RBL2: variants seen among roughly 807,000 people sequenced by gnomAD.
RBL2 encodes retinoblastoma-like protein 2.
RBL2 carries 56 observed loss-of-function variants against 126.0 expected under a neutral mutation model. The ratio of observed to expected loss-of-function variants is 0.44; its 90% CI spans 0.36 to 0.56. RBL2 has a LOEUF of 0.56. Among genes scored for constraint, RBL2 ranks in the 20% least tolerant of loss-of-function variants. RBL2 has a pLI of 0.00. For synonymous variants in RBL2, 454 were observed against 478.5 expected (o/e 0.95, Z 0.67); for missense variants, 1,229 against 1,398.2 (o/e 0.88, Z 1.93).
At chr16:53,449,883 G>A (rs1046007264) in intron 4 of RBL2, among the ~76,000 whole-genome samples, 6 of 151,064 alleles carry the variant, frequency 4.0e-5, no homozygotes, top group Admixed American at 6.6e-5. Context: ...TGTTGAGAGA[G>A]TCCTAGAATT....
intron 21 of RBL2, among the ~76,000 whole-genome samples, chr16:53,483,868 A>G (rs2150828810): frequency 6.6e-6 from 1 of 151,332 alleles, no homozygotes; most frequent in East Asian, 1.9e-4. Flanking sequence ...CAAGAGCAAG[A>G]CTCCGTCTCC....
At chr16:53,439,936 A>G (rs2057997674) in intron 2 of RBL2, among the ~76,000 whole-genome samples, 3 of 142,126 alleles carry the variant, frequency 2.1e-5, no homozygotes, top group Admixed American at 7.2e-5. Context: ...CCTGGGCCAC[A>G]GAGCAAGACC....
intron 9 of RBL2, among the ~76,000 whole-genome samples, chr16:53,461,250 T>A (rs1222308284): frequency 2.6e-5 from 4 of 152,174 alleles, no homozygotes; most frequent in Non-Finnish European, 1.5e-5. Flanking sequence ...CCTAACACTT[T>A]GGGAGCCTGA....
intron 19 of RBL2, 108 bp downstream of exon 19, chr16:53,480,099 TG>T (rs1960885524): frequency 1.3e-6 from 1 of 750,734 alleles, no homozygotes; most frequent in African/African-American, 1.8e-5. Flanking sequence ...ATAGAAACTA[TG>T]AAAGTGTTTT....
intron 8 of RBL2, among the ~76,000 whole-genome samples, chr16:53,456,385 T>C (rs2058167910): frequency 6.6e-6 from 1 of 152,026 alleles, no homozygotes; most frequent in Non-Finnish European, 1.5e-5. Flanking sequence ...AGGGTGGAAG[T>C]AGGGAGTTAA....
intron 2 of RBL2, 95 bp downstream of exon 2, chr16:53,439,241 G>C: frequency 1.7e-6 from 2 of 1,197,406 alleles, no homozygotes; most frequent in Non-Finnish European, 2.2e-6. Flanking sequence ...CATTTTCTGA[G>C]CATTTGTACC....
intron 5 of RBL2, 36 bp downstream of exon 5, chr16:53,451,867 C>G: frequency 6.2e-7 from 1 of 1,606,858 alleles, no homozygotes; most frequent in Non-Finnish European, 8.5e-7. Flanking sequence ...GGGCAATCTG[C>G]GTTTCTGTGT....
Position 53,459,440 on chromosome 16 carries a change from T to C in RBL2, c.1180-11T>C, listed in dbSNP as rs1390024258. ...TGTTTATTAATTCTGTGTAATTTTT[T>C]TTTTCTTTAGTCCAAAGCACTTAGA... On this transcript the variant is annotated splice_polypyrimidine_tract_variant and intron_variant, in intron 8 of 21. Transcript: ENST00000262133. 6.2e-7 allele frequency: 1 copy of C among 1,603,290 alleles called. No homozygotes were observed. Among genetic ancestry groups the C allele is most frequent in the Admixed American group, 1.7e-5 (1 of 58,724 alleles).
chr16:53,489,801 A>G (rs1961337266), intron 21 of RBL2: 1 of 188,074 alleles, frequency 5.3e-6, no homozygotes, highest in South Asian at 1.9e-4. Flanking sequence ...AGTGACTATC[A>G]GATAGCAATG....
intron 21 of RBL2, among the ~76,000 whole-genome samples, chr16:53,486,286 G>A (rs563425589): frequency 5.9e-5 from 9 of 152,286 alleles, no homozygotes; most frequent in Middle Eastern, 3.4e-3. Flanking sequence ...GGGCAACAGA[G>A]TGAGACCCTG....
At chr16:53,461,089 T>G (rs964817585) in intron 9 of RBL2, among the ~76,000 whole-genome samples, 1 of 152,150 alleles carries the variant, frequency 6.6e-6, no homozygotes, top group African/African-American at 2.4e-5. Context: ...AGGGAAATAG[T>G]TAAGGGCAAG....
At position 53,481,794 on chromosome 16, in the gene RBL2, C is replaced by T; in HGVS notation, c.3208C>T (p.Arg1070Ter). 1 of 1,593,084 alleles carries T rather than the reference C, an allele frequency of 6.3e-7. No homozygotes were observed. The highest frequency in any genetic ancestry group is 8.6e-7 in the Non-Finnish European group (1 of 1,160,960). ...PHKNETMLSPREKIFYYFSNS... is the reference protein window; with the variant it reads ...PHKNETMLSP ...TAAAAATGAAACAATGCTTTCTCCTCGAGAAAAGATTTTCTATTACTTCAG... is the reference window on the plus strand; with the variant it reads ...TAAAAATGAAACAATGCTTTCTCCTTGAGAAAAGATTTTCTATTACTTCAG... The change falls in exon 21 of 22, where the codon CGA becomes TGA. Residue 1070 changes from arginine to a stop codon, truncating the protein, a stop_gained. Transcript: ENST00000262133. LOFTEE classifies it high-confidence loss of function.
chr16:53,451,128 G>C (rs971514908), intron 4 of RBL2, among the ~76,000 whole-genome samples: 1 of 152,078 alleles, frequency 6.6e-6, no homozygotes, highest in African/African-American at 2.4e-5. Context: ...GTTTTATTCA[G>C]CTACTAGGTA....
chr16:53,462,290 G>GA (rs556944734), intron 10 of RBL2, among the ~76,000 whole-genome samples: 119 of 150,918 alleles, frequency 7.9e-4, no homozygotes, highest in Middle Eastern at 3.4e-3. Flanking sequence ...AAACATAGAG[G>GA]AAAAAAAAGG....
At chr16:53,474,293 T>C (rs964829911) in intron 17 of RBL2, among the ~76,000 whole-genome samples, 27 of 140,794 alleles carry the variant, frequency 1.9e-4, no homozygotes, top group Non-Finnish European at 2.0e-4. Flanking sequence ...ACCCGGCTGC[T>C]GTAATTCTTT....
intron 17 of RBL2, among the ~76,000 whole-genome samples, chr16:53,476,692 A>G (rs1960737816): frequency 6.6e-6 from 1 of 152,184 alleles, no homozygotes; most frequent in African/African-American, 2.4e-5. Flanking sequence ...TATAACTGTT[A>G]TAGATTCCTG....
intron 4 of RBL2, among the ~76,000 whole-genome samples, chr16:53,450,822 AG>A (rs1282981907): frequency 6.6e-6 from 1 of 152,174 alleles, no homozygotes; most frequent in Non-Finnish European, 1.5e-5. Context: ...TCTGATAAAA[AG>A]TTCTGGTCTT....
chr16:53,456,364 G>A (rs749743407), intron 8 of RBL2, among the ~76,000 whole-genome samples: 2 of 152,100 alleles, frequency 1.3e-5, no homozygotes, highest in Non-Finnish European at 2.9e-5. Context: ...GGGAAAGTGG[G>A]ATTAGAGGCA....
chr16:53,454,888 G>C, intron 8 of RBL2, 46 bp downstream of exon 8: 1 of 1,449,866 alleles, frequency 6.9e-7, no homozygotes, highest in South Asian at 1.5e-5. Context: ...GAGCAGGTAA[G>C]CCAGGGGTTC....
Sources: allele counts gnomAD v4.1 joint callset (sites outside exome capture counted in the v4.1 genomes callset), GRCh38; gene constraint gnomAD v4.1.1; transcripts MANE v1.5; gene names NCBI Gene and HGNC (gene_info 2026-07-23, HGNC 2026-07-21).